OR6N1: variants seen among roughly 807,000 people sequenced by gnomAD.
OR6N1 encodes the protein olfactory receptor family 6 subfamily N member 1.
For missense variants in OR6N1, 394 were observed against 371.7 expected (o/e 1.06, Z -0.49); for synonymous variants, 170 against 150.7 (o/e 1.13, Z -0.94).
chr1:158,830,234 C>T, the OR6N1 span, among the ~76,000 whole-genome samples: 5 of 152,244 alleles, frequency 3.3e-5, no homozygotes, highest in East Asian at 1.9e-4. Context: ...AAGACCTGCT[C>T]GAAGCATCAG....
At chr1:158,820,797 C>T in the OR6N1 span, among the ~76,000 whole-genome samples, 1 of 152,294 alleles carries the variant, frequency 6.6e-6, no homozygotes, top group South Asian at 2.1e-4. Context: ...ATATAAACTT[C>T]ATTTCCAACA....
chr1:158,770,033 T>C (rs1657386248), intron 1 of OR6N1, among the ~76,000 whole-genome samples: 1 of 152,204 alleles, frequency 6.6e-6, no homozygotes, highest in South Asian at 2.1e-4. Context: ...TAAATATAAA[T>C]AAAAGGTTCT....
At chr1:158,776,470 A>G (rs1657596594), upstream of OR6N1, 1 of 420,150 alleles carries the variant, frequency 2.4e-6, no homozygotes, top group Non-Finnish European at 4.2e-6. Flanking sequence ...TAAAAAAAGA[A>G]GTATGTAGAT....
the OR6N1 span, among the ~76,000 whole-genome samples, chr1:158,834,080 C>A: frequency 1.7e-4 from 26 of 152,040 alleles, no homozygotes; most frequent in African/African-American, 6.3e-4. Context: ...ATGTTTTGTG[C>A]ATGTATGTTT....
rs760740221 is a variant in OR6N1 at position 158,766,223 on chromosome 1, C to T, written c.460G>A (p.Ala154Thr). 5 of 1,614,032 alleles carry T rather than the reference C, an allele frequency of 3.1e-6. No homozygotes were observed. Among genetic ancestry groups the T allele is most frequent in the Non-Finnish European group, 3.4e-6 (4 of 1,180,012 alleles). The change falls in exon 2 of 2, where the codon GCT (alanine) becomes ACT (threonine). Residue 154 changes from alanine to threonine, a missense_variant. Transcript: ENST00000641846. ...AAGGAAATTTCAACTACTGGCCCAG[C>T]CAAGCCTCCCAACCAACAGCCAATG... ...IAIGCWLGGL[A>T]GPVVEISLIS...
At chr1:158,791,281 G>A in the OR6N1 span, among the ~76,000 whole-genome samples, 1 of 151,812 alleles carries the variant, frequency 6.6e-6, no homozygotes, top group Non-Finnish European at 1.5e-5. Flanking sequence ...CTATCCCAGA[G>A]GTTTTGATAA....
At chr1:158,799,613 C>T in the OR6N1 span, among the ~76,000 whole-genome samples, 1 of 152,108 alleles carries the variant, frequency 6.6e-6, no homozygotes, top group African/African-American at 2.4e-5. Flanking sequence ...TATCTATTTA[C>T]CTTCTGTGGG....
chr1:158,834,719 T>C, the OR6N1 span, among the ~76,000 whole-genome samples: 1 of 152,176 alleles, frequency 6.6e-6, no homozygotes, highest in African/African-American at 2.4e-5. Flanking sequence ...TCATGGAGCC[T>C]TTCCCTTTTG....
chr1:158,765,574 A>G lies in OR6N1; in HGVS notation c.*170T>C. On this transcript the variant is annotated 3_prime_UTR_variant, in exon 2 of 2. Transcript: ENST00000641846. ...CTGGTCTCAAGCCAAATGTGGCTCC[A>G]GCAGACAGTATGAAGGTCGCTATAA... The G allele has an allele frequency of 5.1e-6, 3 of 592,840 alleles. No individual in the cohort carries two copies. The highest frequency in any genetic ancestry group is 8.9e-6 in the Non-Finnish European group (3 of 336,736). 36.7% of individuals were successfully genotyped at this position (592,840 alleles called of 1,614,324 possible).
At chr1:158,825,361 C>G in the OR6N1 span, among the ~76,000 whole-genome samples, 8 of 151,926 alleles carry the variant, frequency 5.3e-5, no homozygotes, top group African/African-American at 1.5e-4. Flanking sequence ...ATGGTGTGAA[C>G]CCAGGAGGCA....
At chr1:158,787,849 C>A in the OR6N1 span, among the ~76,000 whole-genome samples, 779 of 152,256 alleles carry the variant, frequency 5.1e-3, 12 homozygotes, top group South Asian at 0.055. Context: ...CACAAGTTTT[C>A]TCTTATTTAG....
the OR6N1 span, among the ~76,000 whole-genome samples, chr1:158,790,315 T>C: frequency 3.9e-5 from 6 of 152,182 alleles, no homozygotes; most frequent in East Asian, 1.2e-3. Flanking sequence ...GCTTTGGCTA[T>C]TTGGGGTCTT....
the OR6N1 span, among the ~76,000 whole-genome samples, chr1:158,807,949 G>A: frequency 6.6e-6 from 1 of 152,004 alleles, no homozygotes; most frequent in Non-Finnish European, 1.5e-5. Context: ...ATGGGTGTGT[G>A]CAGCATGTTT....
chr1:158,834,241 T>A, the OR6N1 span, among the ~76,000 whole-genome samples: 2 of 150,546 alleles, frequency 1.3e-5, no homozygotes, highest in African/African-American at 4.9e-5. Context: ...ATTTTTTTTT[T>A]TTTTTTTTTG....
chr1:158,831,771 C>G, the OR6N1 span, among the ~76,000 whole-genome samples: 1 of 152,096 alleles, frequency 6.6e-6, no homozygotes, highest in South Asian at 2.1e-4. Flanking sequence ...ATTTTGTCTA[C>G]AGCAGGTTTT....
chr1:158,808,733 A>G, the OR6N1 span: 2 of 152,798 alleles, frequency 1.3e-5, no homozygotes, highest in Non-Finnish European at 1.5e-5. Context: ...GGCCACACCA[A>G]TCACTGTGCC....
At chr1:158,776,819 T>C, upstream of OR6N1, 1 of 1,614,122 alleles carries the variant, frequency 6.2e-7, no homozygotes, top group East Asian at 2.2e-5. Context: ...ATAGCAAGTG[T>C]TCGGTCAAGG....
At chr1:158,775,037 A>G (rs1448759564), upstream of OR6N1, 1 of 152,238 alleles carries the variant, frequency 6.6e-6, no homozygotes, top group African/African-American at 2.4e-5. Flanking sequence ...GTTTCTGGAC[A>G]CACAACAAAT....
chr1:158,818,770 A>G, the OR6N1 span, among the ~76,000 whole-genome samples: 1 of 152,190 alleles, frequency 6.6e-6, no homozygotes, highest in Non-Finnish European at 1.5e-5. Context: ...ATCCTTACCC[A>G]GTCTAGATTT....
Sources: allele counts gnomAD v4.1 joint callset (sites outside exome capture counted in the v4.1 genomes callset), GRCh38; gene constraint gnomAD v4.1.1; transcripts MANE v1.5; gene names NCBI Gene and HGNC (gene_info 2026-07-23, HGNC 2026-07-21).